The following KCTD8 variants were observed in gnomAD, a reference collection of about 807,000 sequenced individuals.
KCTD8 encodes the protein potassium channel tetramerization domain containing 8, also known as BTB/POZ domain-containing protein KCTD8.
In KCTD8, 27 loss-of-function variants were observed where a neutral mutation model predicts 31.5. The ratio of observed to expected loss-of-function variants is 0.86; its 90% confidence interval spans 0.63 to 1.18. The LOEUF (loss-of-function observed/expected upper bound fraction) is 1.18. Among genes scored for constraint, KCTD8 ranks in the 50% most tolerant of loss-of-function variants. KCTD8 has a pLI of 0.00. For synonymous variants in KCTD8, 290 were observed against 280.0 expected (o/e 1.04, Z -0.36); for missense variants, 658 against 647.7 (o/e 1.02, Z -0.17).
intron 1 of KCTD8, among the ~76,000 whole-genome samples, chr4:44,368,157 A>G (rs574789771): frequency 1.3e-5 from 2 of 152,248 alleles, no homozygotes; most frequent in African/African-American, 4.8e-5. Flanking sequence ...TGGGTGGATC[A>G]CCTGAGGTCA....
In KCTD8 at chr4:44,447,817, A is replaced by G. The variant is rs1355553397; in HGVS notation, c.707T>C (p.Met236Thr). 2.5e-6 allele frequency: 4 copies of G among 1,602,024 alleles called. No individual in the cohort carries two copies. The highest frequency in any genetic ancestry group is 1.1e-5 in the South Asian group (1 of 89,772). ...DAKFRRVARI[M>T]VCGRIALAKE... Reference sequence around the variant, plus strand: ...GGCCAGCGCGATGCGCCCGCACACCATGATGCGCGCCACACGCCGGAATTT... The same window carrying G: ...GGCCAGCGCGATGCGCCCGCACACCGTGATGCGCGCCACACGCCGGAATTT... The change falls in exon 1 of 2, where the codon ATG becomes ACG. Residue 236 changes from methionine to threonine, a missense_variant. Coordinates refer to ENST00000360029, the MANE Select transcript of KCTD8 (RefSeq NM_198353.3).
chr4:44,357,062 A>T (rs1249474621), intron 1 of KCTD8, among the ~76,000 whole-genome samples: 2 of 149,936 alleles, frequency 1.3e-5, no homozygotes, highest in Admixed American at 1.4e-4. Flanking sequence ...TTTTAAAGGC[A>T]TTTATATCAA....
chr4:44,357,456 C>T (rs1719372761), intron 1 of KCTD8, among the ~76,000 whole-genome samples: 1 of 152,144 alleles, frequency 6.6e-6, no homozygotes, highest in African/African-American at 2.4e-5. Context: ...AAAATTCCTA[C>T]TATGGCTCTA....
In KCTD8 at chr4:44,302,973, T is replaced by A. The variant is rs901564222; in HGVS notation, c.962-127723A>T. Among the ~76,000 whole-genome samples, 62 of 152,322 alleles carry A rather than the reference T, an allele frequency of 4.1e-4. 1 individual carries two copies. The highest frequency in any genetic ancestry group is 1.4e-3 in the African/African-American group (58 of 41,548). ...AAGGCCTTTTCTGCATCTATTGAGA[T>A]AATCATGTGGTTTTTGTCTTTGGTT... is the stretch of plus-strand genomic sequence containing the variant. On this transcript the variant is annotated intron_variant, in intron 1 of 1. Coordinates refer to ENST00000360029, the MANE Select transcript of KCTD8 (RefSeq NM_198353.3).
intron 1 of KCTD8, among the ~76,000 whole-genome samples, chr4:44,378,397 C>A (rs1719973274): frequency 6.6e-6 from 1 of 151,336 alleles, no homozygotes; most frequent in Admixed American, 6.6e-5. Context: ...CAACATGGCA[C>A]ATGTATACAT....
intron 1 of KCTD8, among the ~76,000 whole-genome samples, chr4:44,313,151 G>T (rs761882220): frequency 2.0e-4 from 30 of 152,110 alleles, no homozygotes; most frequent in Non-Finnish European, 3.5e-4. Flanking sequence ...CATGAAAACT[G>T]GGGACTTGTC....
chr4:44,398,141 G>C (rs764159671), intron 1 of KCTD8, among the ~76,000 whole-genome samples: 6 of 152,144 alleles, frequency 3.9e-5, no homozygotes, highest in Non-Finnish European at 7.4e-5. Context: ...TGTATGTCAA[G>C]TAAATAGCTG....
chr4:44,443,506 G>A lies in KCTD8; in HGVS notation c.961+4057C>T, dbSNP rs184029087. Among the ~76,000 whole-genome samples, 134 of 152,170 alleles carry A rather than the reference G, an allele frequency of 8.8e-4. 1 individual carries two copies. Among genetic ancestry groups the A allele is most frequent in the African/African-American group, 2.9e-3 (122 of 41,544 alleles). On this transcript the variant is annotated intron_variant, in intron 1 of 1. Transcript: ENST00000360029. Reference sequence around the variant, plus strand: ...TAAATCAGAATGAATTTGAAAGAGTGGATATAAAAATTCATTAAGACAAAT... The same window carrying A: ...TAAATCAGAATGAATTTGAAAGAGTAGATATAAAAATTCATTAAGACAAAT...
intron 1 of KCTD8, among the ~76,000 whole-genome samples, chr4:44,283,717 T>C (rs1295781555): frequency 6.6e-6 from 1 of 152,282 alleles, no homozygotes; most frequent in East Asian, 1.9e-4. Flanking sequence ...TTATTTTATA[T>C]TTAGAAAACT....
intron 1 of KCTD8, among the ~76,000 whole-genome samples, chr4:44,212,720 C>G (rs1714526644): frequency 2.0e-5 from 3 of 151,836 alleles, no homozygotes; most frequent in African/African-American, 7.3e-5. Context: ...TTTATGTTTC[C>G]TTATGTTTTA....
intron 1 of KCTD8, among the ~76,000 whole-genome samples, chr4:44,233,820 G>A (rs1336351395): frequency 6.6e-6 from 1 of 151,936 alleles, no homozygotes; most frequent in Non-Finnish European, 1.5e-5. Context: ...TTTAAATTGT[G>A]CATTATTGAC....
chr4:44,363,523 A>G (rs1471689557), intron 1 of KCTD8, among the ~76,000 whole-genome samples: 1 of 152,124 alleles, frequency 6.6e-6, no homozygotes, highest in African/African-American at 2.4e-5. Flanking sequence ...AAGGACCAAG[A>G]AAGAGAGGGG....
At chr4:44,420,396 G>GA (rs1265089642) in intron 1 of KCTD8, among the ~76,000 whole-genome samples, 4 of 152,046 alleles carry the variant, frequency 2.6e-5, no homozygotes, top group East Asian at 1.9e-4. Flanking sequence ...ACAATCGAAA[G>GA]AAAAAATCAA....
intron 1 of KCTD8, among the ~76,000 whole-genome samples, chr4:44,396,518 G>C (rs575150603): frequency 7.9e-5 from 12 of 151,612 alleles, no homozygotes; most frequent in African/African-American, 2.4e-4. Flanking sequence ...TCTTCTTAAA[G>C]TCAGGTCAGA....
chr4:44,426,618 T>C (rs1003339627), intron 1 of KCTD8, among the ~76,000 whole-genome samples: 50 of 151,780 alleles, frequency 3.3e-4, no homozygotes, highest in African/African-American at 1.2e-3. Flanking sequence ...AAAGATGTTA[T>C]TTCTGGAAAA....
chr4:44,258,652 A>C (rs1183777127), intron 1 of KCTD8, among the ~76,000 whole-genome samples: 1 of 151,924 alleles, frequency 6.6e-6, no homozygotes, highest in East Asian at 1.9e-4. Context: ...GTTTTCCTTA[A>C]CATTTAAATA....
At chr4:44,280,806 T>C (rs1716885723) in intron 1 of KCTD8, among the ~76,000 whole-genome samples, 1 of 152,122 alleles carries the variant, frequency 6.6e-6, no homozygotes, top group Non-Finnish European at 1.5e-5. Flanking sequence ...TTCTTGGTTG[T>C]CTGCTTGGGT....
intron 1 of KCTD8, among the ~76,000 whole-genome samples, chr4:44,295,570 C>A (rs1717405662): frequency 6.6e-6 from 1 of 152,058 alleles, no homozygotes; most frequent in East Asian, 1.9e-4. Flanking sequence ...ATTTATATTT[C>A]TTTAAAATTT....
At chr4:44,353,746 C>T (rs1190245155) in intron 1 of KCTD8, among the ~76,000 whole-genome samples, 1 of 152,056 alleles carries the variant, frequency 6.6e-6, no homozygotes, top group Non-Finnish European at 1.5e-5. Flanking sequence ...TATCACTTAA[C>T]ATTAGCATCT....
Sources: allele counts gnomAD v4.1 joint callset (sites outside exome capture counted in the v4.1 genomes callset), GRCh38; gene constraint gnomAD v4.1.1; transcripts MANE v1.5; gene names NCBI Gene and HGNC (gene_info 2026-07-23, HGNC 2026-07-21).